Variants in FN1 observed in about 807,000 individuals in gnomAD.
FN1 encodes the protein fibronectin.
In FN1, 106 loss-of-function variants were observed where a neutral mutation model predicts 297.3. That is an observed-to-expected ratio of 0.36 (90% CI 0.30 to 0.42). The LOEUF (loss-of-function observed/expected upper bound fraction) is 0.42, where lower values mean the gene tolerates loss of function less well. Among genes scored for constraint, FN1 ranks in the 10% least tolerant of loss-of-function variants. FN1 has a pLI of 1.00. For missense variants in FN1, 2,690 were observed against 3,124.9 expected (o/e 0.86, Z 3.32); for synonymous variants, 1,149 against 1,152.6 (o/e 1.00, Z 0.06).
chr2:215,404,465 T>C lies in FN1; in HGVS notation c.3177A>G (p.Ala1059=), dbSNP rs756903985. The C allele has an allele frequency of 2.5e-6, 4 of 1,614,156 alleles. No individual in the cohort carries two copies. The highest frequency in any genetic ancestry group is 3.4e-6 in the Non-Finnish European group (4 of 1,180,012). The change falls in exon 20 of 46, where the codon GCA becomes GCG. Residue 1059 remains alanine, a synonymous_variant. Transcript: ENST00000354785. ...CCACGAGGGATACGGTGTACTCAGA[T>C]GCAGGCTGCAGATTCCTCAGTGGGT... The part of the protein sequence containing the change: ...SKYPLRNLQP[A]SEYTVSLVAI...
At chr2:215,412,758 A>ATTT (rs1267705576) in intron 13 of FN1, among the ~76,000 whole-genome samples, 1 of 51,966 alleles carries the variant, frequency 1.9e-5, no homozygotes, top group African/African-American at 7.0e-5. Flanking sequence ...TATATTAAGT[A>ATTT]TCTTTTTTTT....
chr2:215,427,608 G>A (rs1837121), intron 6 of FN1, among the ~76,000 whole-genome samples: 120,115 of 152,194 alleles, frequency 0.79, 47,879 homozygotes, highest in East Asian at 0.93. Context: ...ATACATGAAG[G>A]AAATAATTGT....
Position 215,386,840 on chromosome 2 carries a change from G to A in FN1, c.4461C>T (p.His1487=). 1.2e-6 allele frequency: 2 copies of A among 1,614,062 alleles called. No individual in the cohort carries two copies. The highest frequency in any genetic ancestry group is 1.7e-6 in the Non-Finnish European group (2 of 1,180,002). The change falls in exon 28 of 46, where the codon CAC becomes CAT. Residue 1487 remains histidine, a synonymous_variant. Transcript: ENST00000354785. The part of the protein sequence containing the change: ...TGYRIRHHPE[H]FSGRPREDRV... ...GATCTTCTCGAGGTCTCCCACTGAA[G>A]TGCTCGGGATGATGGCGGATCCTGT... is the stretch of plus-strand genomic sequence containing the variant.
intron 17 of FN1, among the ~76,000 whole-genome samples, chr2:215,407,865 G>A (rs1275935746): frequency 1.3e-5 from 2 of 151,910 alleles, no homozygotes; most frequent in African/African-American, 4.8e-5. Flanking sequence ...TTTACAGGTT[G>A]TGTGTATGTT....
At position 215,408,281 on chromosome 2, in the gene FN1, A is replaced by G. The variant is rs956821776; in HGVS notation, c.2428+17T>C. The G allele has an allele frequency of 1.5e-5, 24 of 1,614,144 alleles. No individual in the cohort carries two copies. The highest frequency in any genetic ancestry group is 1.9e-5 in the Non-Finnish European group (23 of 1,179,976). ...TACAGAAAAAGATTCTTTTAACACTATGTAGCACACATGTACCTGTTGTTT... is the reference window on the plus strand; with the variant it reads ...TACAGAAAAAGATTCTTTTAACACTGTGTAGCACACATGTACCTGTTGTTT... On this transcript the variant is annotated intron_variant, in intron 16 of 45. Transcript: ENST00000354785.
intron 33 of FN1, chr2:215,379,622 G>T: frequency 1.0e-5 from 3 of 292,282 alleles, no homozygotes; most frequent in East Asian, 7.9e-5. Flanking sequence ...AAGTTACATT[G>T]GCTTATTGGC....
chr2:215,425,372 A>T, intron 6 of FN1, 87 bp from the exon 7 acceptor site: 5 of 1,307,340 alleles, frequency 3.8e-6, no homozygotes, highest in Non-Finnish European at 5.5e-6. Context: ...AGGATCTCAC[A>T]GAGATCACTC....
intron 31 of FN1, among the ~76,000 whole-genome samples, chr2:215,382,877 G>A (rs932976148): frequency 6.6e-6 from 1 of 152,102 alleles, no homozygotes; most frequent in Admixed American, 6.5e-5. Context: ...ACTCATGAAT[G>A]GGGACAATGA....
At chr2:215,376,701 G>C (rs2057339226) in intron 35 of FN1, 27 bp from the exon 36 acceptor site, 1 of 1,608,608 alleles carries the variant, frequency 6.2e-7, no homozygotes, top group Admixed American at 1.7e-5. Flanking sequence ...CTAGAGATTA[G>C]TGCCTGCTTG....
rs75173766 is a variant in FN1, at chr2:215,370,731, G to A, written c.6715-299C>T. 2.9e-3 allele frequency among the ~76,000 whole-genome samples: 446 copies of A among 152,156 alleles called. 4 individuals are homozygous for A. The highest frequency in any genetic ancestry group is 0.01 in the African/African-American group (421 of 41,494). ...ACGGCCTGCCATTGATCTTGCTTCAGTCGCAGGTCTGCATAAGCCCTCTGG... is the reference window on the plus strand; with the variant it reads ...ACGGCCTGCCATTGATCTTGCTTCAATCGCAGGTCTGCATAAGCCCTCTGG... On this transcript the variant is annotated intron_variant, in intron 40 of 45. Transcript: ENST00000354785.
intron 40 of FN1, 122 bp from the exon 41 acceptor site, chr2:215,370,554 CAA>C (rs768951130): frequency 0.011 from 3,434 of 305,570 alleles, no homozygotes; most frequent in Middle Eastern, 0.016. Context: ...AAACAAAAAA[CAA>C]AAAAAAAAAA....
intron 12 of FN1, among the ~76,000 whole-genome samples, chr2:215,418,353 G>C (rs1299058195): frequency 6.6e-6 from 1 of 152,216 alleles, no homozygotes; most frequent in Non-Finnish European, 1.5e-5. Context: ...CTTTGGCCAA[G>C]TTGTTCCCAT....
At chr2:215,411,279 G>A (rs991180541) in intron 13 of FN1, among the ~76,000 whole-genome samples, 2 of 152,198 alleles carry the variant, frequency 1.3e-5, no homozygotes, top group Non-Finnish European at 2.9e-5. Context: ...TCTTTCAAGT[G>A]TAAATACTCT....
At chr2:215,368,166 C>A in intron 41 of FN1, 139 bp from the exon 42 acceptor site, 1 of 935,836 alleles carries the variant, frequency 1.1e-6, no homozygotes, top group South Asian at 1.4e-5. Flanking sequence ...TTCATCTGTT[C>A]TATCAAGGCA....
At position 215,388,196 on chromosome 2, in the gene FN1, T is replaced by A; in HGVS notation, c.4342+16A>T. On this transcript the variant is annotated intron_variant, in intron 27 of 45. Coordinates refer to ENST00000354785, the MANE Select transcript of FN1 (RefSeq NM_212482.4). ...GGCAAAAGCTACTGGATAGTCATAC[T>A]GCCAACACCACTCACCTGTTTTCTG... 4.4e-6 allele frequency: 7 copies of A among 1,593,248 alleles called. No individual in the cohort carries two copies. Among genetic ancestry groups the A allele is most frequent in the Non-Finnish European group, 6.0e-6 (7 of 1,160,996 alleles).
rs1043720655 is a variant in FN1 at position 215,367,949 on chromosome 2, T to G, written c.6932A>C (p.Glu2311Ala). ...YTVSHYAVGD[E>A]WERMSESGFK... ...GCCTGATTCAGACATTCGTTCCCAC[T>G]CATCTCCAACGGCATAATGGGAAAC... The change falls in exon 42 of 46, where the codon GAG (glutamate) becomes GCG (alanine). Residue 2311 changes from glutamate (E) to alanine (A), a missense_variant. Physicochemically the swap from Glu to Ala is moderately radical, Grantham distance 107. This residue lies in a region of FN1 where 1,743 missense variants were observed against 1,945.2 expected (regional missense o/e 0.90). Coordinates refer to ENST00000354785, the MANE Select transcript of FN1 (RefSeq NM_212482.4). 1 of 1,613,998 alleles carries G rather than the reference T, an allele frequency of 6.2e-7. No homozygotes were observed. The highest frequency in any genetic ancestry group is 1.3e-5 in the African/African-American group (1 of 74,936).
Position 215,364,981 on chromosome 2 carries a change from C to T in FN1, c.7149G>A (p.Glu2383=), listed in dbSNP as rs1225407672. ...TCTTCCCATCATCATAACACGTTGC[C>T]TCATCTGCATATAGACACAAGACAG... ...GKGEFKCDPH[E]ATCYDDGKTY... The change falls in exon 44 of 46, where the codon GAG becomes GAA. Residue 2383 remains glutamate (E), a synonymous_variant. Coordinates refer to ENST00000354785, the MANE Select transcript of FN1 (RefSeq NM_212482.4). 2 of 1,566,532 alleles carry T rather than the reference C, an allele frequency of 1.3e-6. No individual in the cohort carries two copies. Among genetic ancestry groups the T allele is most frequent in the African/African-American group, 1.3e-5 (1 of 74,336 alleles).
chr2:215,430,821 A>G lies in FN1; in HGVS notation c.579T>C (p.Thr193=). The change falls in exon 5 of 46, where the codon ACT becomes ACC. Residue 193 remains threonine (T), a synonymous_variant. Coordinates refer to ENST00000354785, the MANE Select transcript of FN1 (RefSeq NM_212482.4). ...AEKCFDHAAG[T]SYVVGETWEK... is the part of the protein sequence containing the mutation. ...CCCACGTTTCTCCGACCACATAGGA[A>G]GTCCCAGCAGCATGATCAAAACACT... 1 of 1,614,182 alleles carries G rather than the reference A, an allele frequency of 6.2e-7. No individual in the cohort carries two copies. The highest frequency in any genetic ancestry group is 1.3e-5 in the African/African-American group (1 of 75,052).
intron 20 of FN1, among the ~76,000 whole-genome samples, chr2:215,400,137 G>A (rs1358017114): frequency 2.6e-5 from 4 of 151,680 alleles, no homozygotes; most frequent in Non-Finnish European, 4.4e-5. Context: ...GCAGTGAGCC[G>A]AGATCATGCC....
Sources: gnomAD v4.1 joint callset for allele counts (sites outside exome capture counted in the v4.1 genomes callset) on GRCh38, gnomAD v4.1.1 for gene constraint, gnomAD v4.1.1 regional missense constraint, MANE v1.5 for transcripts, NCBI Gene and HGNC (gene_info 2026-07-23, HGNC 2026-07-21) for gene names.